The following VANGL1 variants were observed in gnomAD, a reference collection of about 807,000 sequenced individuals.
The protein encoded by VANGL1 is vang-like protein 1.
Under a neutral mutation model 48.4 loss-of-function variants are expected in VANGL1, and 18 were observed. That is an observed-to-expected ratio of 0.37 (90% CI 0.26 to 0.55). The LOEUF is 0.55. Ranked by LOEUF, VANGL1 falls within the 20% of genes least tolerant of loss-of-function variation. The pLI is 0.81. For missense variants in VANGL1, 667 were observed against 675.8 expected (o/e 0.99, Z 0.14); for synonymous variants, 257 against 261.8 (o/e 0.98, Z 0.18).
intron 4 of VANGL1, among the ~76,000 whole-genome samples, chr1:115,673,477 C>T (rs1183817465): frequency 2.0e-5 from 3 of 152,096 alleles, no homozygotes; most frequent in Admixed American, 2.0e-4. Flanking sequence ...TCCTTCCTTG[C>T]CTCTTCCTAG....
intron 4 of VANGL1, among the ~76,000 whole-genome samples, chr1:115,676,420 C>T (rs1653168237): frequency 1.3e-5 from 2 of 152,172 alleles, no homozygotes; most frequent in African/African-American, 2.4e-5. Context: ...CATGGTGGGC[C>T]TCTGGAGGAG....
chr1:115,685,385 G>T lies in VANGL1; in HGVS notation c.1172G>T (p.Arg391Met), dbSNP rs140485834. Reference protein sequence around the residue: ...QKAPGEVMDPREAAQAIFPSM... With the variant: ...QKAPGEVMDPMEAAQAIFPSM... ...GCCCCAGGGGAGGTGATGGACCCTAGGGAGGCCGCCCAGGCCATTTTCCCC... is the reference window on the plus strand; with the variant it reads ...GCCCCAGGGGAGGTGATGGACCCTATGGAGGCCGCCCAGGCCATTTTCCCC... Residue 391 changes from arginine (R) to methionine (M), a missense_variant, in exon 7 of 8, where the codon AGG becomes ATG. Arg to Met is a moderately conservative substitution (Grantham distance 91, BLOSUM62 -1). Transcript: ENST00000355485. 621 of 1,613,872 alleles carry T rather than the reference G, an allele frequency of 3.8e-4. No individual in the cohort carries two copies. Among genetic ancestry groups the T allele is most frequent in the Non-Finnish European group, 5.1e-4 (599 of 1,179,950 alleles).
chr1:115,670,838 A>C (rs1652947347), intron 4 of VANGL1, among the ~76,000 whole-genome samples: 1 of 152,154 alleles, frequency 6.6e-6, no homozygotes, highest in Non-Finnish European at 1.5e-5. Context: ...CCTTAGCTCC[A>C]CTCCATAGCA....
rs1570773563 is a variant in VANGL1 at position 115,685,196 on chromosome 1, G to T, written c.1080-97G>T. The T allele has an allele frequency of 7.6e-6, 10 of 1,323,184 alleles. No individual in the cohort carries two copies. The East Asian group carries it at 2.5e-4, about 33-fold the overall frequency. The allele number at this position is 1,323,184 out of a possible 1,614,324, so 82.0% of individuals were successfully genotyped here. A position where few individuals can be genotyped will look rare whatever the true frequency, so the allele number is the denominator to read the frequency against. On this transcript the variant is annotated intron_variant, in intron 6 of 7. Coordinates refer to ENST00000355485, the MANE Select transcript of VANGL1 (RefSeq NM_138959.3). The stretch of plus-strand genomic sequence containing the variant: ...AGCGTGATTGGGCCTTGGGTATGTT[G>T]GCAGGTTGGGCCGCAGCAGGGTAGA...
chr1:115,664,740 G>A (rs960425955), intron 4 of VANGL1, among the ~76,000 whole-genome samples: 18 of 152,132 alleles, frequency 1.2e-4, no homozygotes, highest in Non-Finnish European at 1.9e-4. Context: ...ATGGTCATCC[G>A]AGGGACCCTC....
rs909165952 is a variant in VANGL1, at chr1:115,685,330, C to G, written c.1117C>G (p.Gln373Glu). ...AGTGGAAGAGGCCTTCATCCACATT[C>G]AGCGTCTCCAGGCTGAGGAGCAGCA... is the stretch of plus-strand genomic sequence containing the variant. The part of the protein sequence containing the change: ...VAVEEAFIHI[Q>E]RLQAEEQQKA... Residue 373 changes from glutamine (Q) to glutamate (E), a missense_variant, in exon 7 of 8, where the codon CAG becomes GAG. Physicochemically the swap from Gln to Glu is conservative, Grantham distance 29. Transcript: ENST00000355485. The G allele has an allele frequency of 3.1e-6, 5 of 1,614,178 alleles. No individual in the cohort carries two copies. The highest frequency in any genetic ancestry group is 4.2e-6 in the Non-Finnish European group (5 of 1,180,030).
At chr1:115,673,478 C>T (rs867551952) in intron 4 of VANGL1, among the ~76,000 whole-genome samples, 1 of 152,100 alleles carries the variant, frequency 6.6e-6, no homozygotes, top group South Asian at 2.1e-4. Flanking sequence ...CCTTCCTTGC[C>T]TCTTCCTAGT....
At chr1:115,656,298 C>T (rs190931471) in intron 2 of VANGL1, among the ~76,000 whole-genome samples, 1 of 152,288 alleles carries the variant, frequency 6.6e-6, no homozygotes, top group East Asian at 1.9e-4. Context: ...TTATCAAGCC[C>T]CTGCTATATA....
rs910390711 is a variant in VANGL1 at position 115,692,114 on chromosome 1, C to G, written c.*735C>G. ...TCCTGCCCCCACCTGGCTGGCAGCCCTGGCTCTCCATGTGTGCCCTCCGGC... is the reference window on the plus strand; with the variant it reads ...TCCTGCCCCCACCTGGCTGGCAGCCGTGGCTCTCCATGTGTGCCCTCCGGC... On this transcript the variant is annotated 3_prime_UTR_variant, in exon 8 of 8. Transcript: ENST00000355485. 8.5e-5 allele frequency: 13 copies of G among 153,454 alleles called. No homozygotes were observed. The highest frequency in any genetic ancestry group is 1.5e-4 in the Non-Finnish European group (10 of 68,806). The allele number at this position is 153,454 out of a possible 1,614,324, so 9.5% of individuals were successfully genotyped here.
At chr1:115,651,585 G>A (rs1570738093) in intron 2 of VANGL1, 101 bp downstream of exon 2, 1 of 1,000,730 alleles carries the variant, frequency 1.0e-6, no homozygotes, top group Non-Finnish European at 1.6e-6. Flanking sequence ...CTGGACATTT[G>A]GTCGGTTGGT....
rs556827281 is a variant in VANGL1 at position 115,687,646 on chromosome 1, T to A, written c.1314+2119T>A. Among the ~76,000 whole-genome samples the A allele has an allele frequency of 1.5e-5, 2 of 137,750 alleles. 1 individual carries two copies. Among genetic ancestry groups the A allele is most frequent in the South Asian group, 5.0e-4 (2 of 4,024 alleles). The allele number at this position is 137,750 out of a possible 152,430, so 90.4% of individuals were successfully genotyped here. On this transcript the variant is annotated intron_variant, in intron 7 of 7. Transcript: ENST00000355485. ...ATATATTCTTTCAAATATATGTAGATGTTTTTTAAGCTGAAATGGGAAAAC... is the reference window on the plus strand; with the variant it reads ...ATATATTCTTTCAAATATATGTAGAAGTTTTTTAAGCTGAAATGGGAAAAC...
intron 2 of VANGL1, among the ~76,000 whole-genome samples, chr1:115,657,735 G>A (rs912237581): frequency 6.6e-6 from 1 of 152,122 alleles, no homozygotes; most frequent in Non-Finnish European, 1.5e-5. Context: ...AGAAATACCT[G>A]ACACCTTCAT....
chr1:115,676,857 A>G (rs1653185835), intron 4 of VANGL1, among the ~76,000 whole-genome samples: 1 of 152,230 alleles, frequency 6.6e-6, no homozygotes, highest in South Asian at 2.1e-4. Flanking sequence ...TTTCAGTAAG[A>G]CGTTTTATGC....
At chr1:115,658,648 C>A (rs1168217935) in intron 2 of VANGL1, among the ~76,000 whole-genome samples, 1 of 152,132 alleles carries the variant, frequency 6.6e-6, no homozygotes, top group Non-Finnish European at 1.5e-5. Context: ...GGGCTGATGT[C>A]AAGGTGGCTG....
At chr1:115,684,942 T>C (rs1570773289) in intron 6 of VANGL1, among the ~76,000 whole-genome samples, 1 of 152,142 alleles carries the variant, frequency 6.6e-6, no homozygotes, top group Non-Finnish European at 1.5e-5. Context: ...TTATAGCCAG[T>C]CGGAGGGGCC....
chr1:115,664,383 CT>C, intron 4 of VANGL1, 115 bp downstream of exon 4: 2 of 1,463,236 alleles, frequency 1.4e-6, no homozygotes, highest in Non-Finnish European at 1.8e-6. Flanking sequence ...CAGAGTCTGA[CT>C]CTTTTCTGGT....
At chr1:115,664,388 T>C (rs1382346998) in intron 4 of VANGL1, 120 bp downstream of exon 4, 1 of 1,453,856 alleles carries the variant, frequency 6.9e-7, no homozygotes, top group Admixed American at 2.3e-5. Context: ...TCTGACTCTT[T>C]TCTGGTTTGG....
chr1:115,684,976 T>C (rs1653539035), intron 6 of VANGL1, among the ~76,000 whole-genome samples: 1 of 152,144 alleles, frequency 6.6e-6, no homozygotes, highest in Non-Finnish European at 1.5e-5. Context: ...CATCTAACCA[T>C]TGCAGAGATG....
Position 115,685,355 on chromosome 1 carries a change from A to G in VANGL1, c.1142A>G (p.Gln381Arg). 1.2e-6 allele frequency: 2 copies of G among 1,614,198 alleles called. No individual in the cohort carries two copies. The highest frequency in any genetic ancestry group is 1.1e-5 in the South Asian group (1 of 91,088). ...HIQRLQAEEQ[Q>R]KAPGEVMDPR... ...CAGCGTCTCCAGGCTGAGGAGCAGC[A>G]GAAAGCCCCAGGGGAGGTGATGGAC... The change falls in exon 7 of 8, where the codon CAG becomes CGG. Residue 381 changes from glutamine (Q) to arginine (R), a missense_variant. By Grantham distance (43) the Gln-to-Arg change is conservative. Transcript: ENST00000355485.
Sources: allele counts gnomAD v4.1 joint callset (sites outside exome capture counted in the v4.1 genomes callset), GRCh38; gene constraint gnomAD v4.1.1; transcripts MANE v1.5; gene names NCBI Gene and HGNC (gene_info 2026-07-23, HGNC 2026-07-21).